CEP55: variants seen among roughly 807,000 people sequenced by gnomAD.
CEP55 encodes centrosomal protein of 55 kDa.
In CEP55, 57 loss-of-function variants were observed where a neutral mutation model predicts 63.2. The ratio of observed to expected loss-of-function variants is 0.90; its 90% CI spans 0.73 to 1.13. The LOEUF is 1.13. Ranked by LOEUF, CEP55 falls within the 50% of genes most tolerant of loss-of-function variation. The pLI is 0.00. For synonymous variants in CEP55, 178 were observed against 191.6 expected (o/e 0.93, Z 0.59); for missense variants, 456 against 518.9 (o/e 0.88, Z 1.18).
At chr10:93,507,453 C>T (rs1412317485) in intron 4 of CEP55, among the ~76,000 whole-genome samples, 1 of 151,700 alleles carries the variant, frequency 6.6e-6, no homozygotes, top group African/African-American at 2.4e-5. Flanking sequence ...AACTCCTGAC[C>T]TCAAGTGATC....
At chr10:93,497,826 C>G (rs1439779726) in intron 1 of CEP55, among the ~76,000 whole-genome samples, 1 of 151,672 alleles carries the variant, frequency 6.6e-6, no homozygotes, top group African/African-American at 2.4e-5. Flanking sequence ...ATAGGAAATA[C>G]AGGGAAAGGT....
chr10:93,501,010 G>A (rs552164116), intron 2 of CEP55, among the ~76,000 whole-genome samples: 2 of 152,222 alleles, frequency 1.3e-5, no homozygotes, highest in South Asian at 4.2e-4. Flanking sequence ...TTTACTGTGG[G>A]AGAGGAGAAA....
In CEP55 at chr10:93,529,002, C is replaced by G. The variant is rs1181345270; in HGVS notation, c.*849C>G. 2 of 152,046 alleles carry G rather than the reference C, an allele frequency of 1.3e-5. No individual in the cohort carries two copies. Among genetic ancestry groups the G allele is most frequent in the African/African-American group, 2.4e-5 (1 of 41,400 alleles). The allele number at this position is 152,046 out of a possible 1,614,324, so 9.4% of individuals were successfully genotyped here. A position where few individuals can be genotyped will look rare whatever the true frequency, so the allele number is the denominator to read the frequency against. On this transcript the variant is annotated 3_prime_UTR_variant, in exon 9 of 9. Transcript: ENST00000371485. ...TATTTTTATACATGCTTTTTGTAAA[C>G]CAAAAACTTTTAAATTTCTTCAGGT...
chr10:93,506,363 G>C (rs2057688787), intron 3 of CEP55, among the ~76,000 whole-genome samples: 1 of 152,022 alleles, frequency 6.6e-6, no homozygotes, highest in African/African-American at 2.4e-5. Context: ...TTGTCTTTTT[G>C]GTAAAAATCA....
At position 93,511,614 on chromosome 10, in the gene CEP55, T is replaced by G. The variant is rs991063234; in HGVS notation, c.529-3791T>G. 3.9e-5 allele frequency among the ~76,000 whole-genome samples: 6 copies of G among 152,028 alleles called. No homozygotes were observed. The South Asian group carries it at 1.2e-3, about 32-fold the overall frequency. On this transcript the variant is annotated intron_variant, in intron 4 of 8. Coordinates refer to ENST00000371485, the MANE Select transcript of CEP55 (RefSeq NM_018131.5). ...CCTTTTTTTTTAATTAATTAATTTA[T>G]TTTTTTGAGATGGAGTTTCGCTCCG...
chr10:93,500,019 A>G, intron 1 of CEP55, 21 bp from the exon 2 acceptor site: 1 of 1,494,600 alleles, frequency 6.7e-7, no homozygotes, highest in Non-Finnish European at 9.2e-7. Flanking sequence ...AGAATTATAC[A>G]GTTGATTTTT....
intron 1 of CEP55, 115 bp downstream of exon 1, chr10:93,497,038 ATC>A (rs1370020260): frequency 2.6e-5 from 4 of 151,218 alleles, no homozygotes; most frequent in Admixed American, 2.0e-4. Context: ...TTCCTCAAAC[ATC>A]TTTATTTTAG....
chr10:93,501,082 G>A (rs11187474), intron 2 of CEP55, among the ~76,000 whole-genome samples: 110,083 of 152,040 alleles, frequency 0.72, 40,618 homozygotes, highest in South Asian at 0.85. Context: ...TAAAAAATCA[G>A]ATCTGTCCAT....
At chr10:93,500,796 G>C (rs1352030732) in intron 2 of CEP55, among the ~76,000 whole-genome samples, 1 of 144,008 alleles carries the variant, frequency 6.9e-6, no homozygotes, top group Non-Finnish European at 1.5e-5. Flanking sequence ...TCTCAACTCT[G>C]TTGCCCAGGC....
chr10:93,516,947 A>G lies in CEP55; in HGVS notation c.692A>G (p.Glu231Gly), dbSNP rs1172671498. Residue 231 changes from glutamate (E) to glycine (G), a missense_variant, in exon 6 of 9, where the codon GAA becomes GGA. Coordinates refer to ENST00000371485, the MANE Select transcript of CEP55 (RefSeq NM_018131.5). The part of the protein sequence containing the change: ...KKPESEGYLQ[E>G]EKQKCYNDLL... Reference sequence around the variant, plus strand: ...TTGTTTGTCATAGGTTATCTTCAAGAAGAGAAGCAGAAATGTTACAACGAT... The same window carrying G: ...TTGTTTGTCATAGGTTATCTTCAAGGAGAGAAGCAGAAATGTTACAACGAT... 6.3e-7 allele frequency: 1 copy of G among 1,579,620 alleles called. No individual in the cohort carries two copies. Among genetic ancestry groups the G allele is most frequent in the Admixed American group, 1.8e-5 (1 of 55,438 alleles).
chr10:93,501,221 C>T (rs993650740), intron 2 of CEP55, among the ~76,000 whole-genome samples: 1 of 152,140 alleles, frequency 6.6e-6, no homozygotes, highest in Non-Finnish European at 1.5e-5. Context: ...TTGGCATTTA[C>T]ACTCTGTTCA....
chr10:93,523,807 A>C (rs1024047704), intron 8 of CEP55, among the ~76,000 whole-genome samples: 1 of 152,242 alleles, frequency 6.6e-6, no homozygotes, highest in Non-Finnish European at 1.5e-5. Flanking sequence ...GCTCAACTAC[A>C]TGGAAACTGA....
intron 8 of CEP55, among the ~76,000 whole-genome samples, chr10:93,524,304 T>C (rs920398429): frequency 6.6e-6 from 1 of 152,040 alleles, no homozygotes. Context: ...GAGAATACTA[T>C]AAACACCTCT....
At chr10:93,501,476 G>T (rs112008369) in intron 2 of CEP55, among the ~76,000 whole-genome samples, 144 of 152,238 alleles carry the variant, frequency 9.5e-4, no homozygotes, top group African/African-American at 3.0e-3. Context: ...ATCACCTGAG[G>T]TCAGGAGTTC....
In CEP55 at chr10:93,502,126, T is replaced by C. The variant is rs1267005375; in HGVS notation, c.184-987T>C. Reference sequence around the variant, plus strand: ...ATATTCTTCAGCTTTTCTGGCTTCTTATCATCTTGAATAGTTTTTAGTTTA... The same window carrying C: ...ATATTCTTCAGCTTTTCTGGCTTCTCATCATCTTGAATAGTTTTTAGTTTA... On this transcript the variant is annotated intron_variant, in intron 2 of 8. Transcript: ENST00000371485. Among the ~76,000 whole-genome samples, 5 of 151,304 alleles carry C rather than the reference T, an allele frequency of 3.3e-5. No individual in the cohort carries two copies. In the East Asian group the frequency reaches 9.7e-4, roughly 29 times the overall value.
chr10:93,527,858 G>A (rs2057939780), intron 8 of CEP55, 92 bp from the exon 9 acceptor site: 7 of 1,076,006 alleles, frequency 6.5e-6, no homozygotes, highest in Non-Finnish European at 9.5e-6. Context: ...TCTGGCCTGG[G>A]TGACAGAGTG....
In CEP55 at chr10:93,528,016, G is replaced by C; in HGVS notation, c.1258G>C (p.Glu420Gln). ...TTTCCAAGGAGAGACTGAAAACAGA[G>C]AAAAAGTTGCCGCCTCACCAAAAAG... ...VTFQGETENR[E>Q]KVAASPKSPT... The change falls in exon 9 of 9, where the codon GAA becomes CAA. Residue 420 changes from glutamate (E) to glutamine (Q), a missense_variant. Transcript: ENST00000371485. The C allele has an allele frequency of 6.2e-7, 1 of 1,613,998 alleles. No individual in the cohort carries two copies. Among genetic ancestry groups the C allele is most frequent in the Non-Finnish European group, 8.5e-7 (1 of 1,179,986 alleles).
chr10:93,503,327 C>G lies in CEP55; in HGVS notation c.398C>G (p.Ser133Cys). The G allele has an allele frequency of 6.2e-7, 1 of 1,614,214 alleles. No individual in the cohort carries two copies. Among genetic ancestry groups the G allele is most frequent in the Non-Finnish European group, 8.5e-7 (1 of 1,180,032 alleles). ...EEKDVLKQQL[S>C]AATSRIAELE... is the part of the protein sequence containing the mutation. ...AAAGACGTATTGAAACAACAGTTGT[C>G]TGCTGCAACCTCACGAATTGCTGAA... The change falls in exon 3 of 9, where the codon TCT (serine) becomes TGT (cysteine). Residue 133 changes from serine to cysteine, a missense_variant. By Grantham distance (112) the Ser-to-Cys change is moderately radical (BLOSUM62 -1). Transcript: ENST00000371485.
rs368041366 is a variant in CEP55 at position 93,516,915 on chromosome 10, C to T, written c.680-20C>T. ...ATTTATTTTATAAAGTGAGTTGTGC[C>T]GTAATGTTGTTTGTCATAGGTTATC... On this transcript the variant is annotated intron_variant, in intron 5 of 8. Transcript: ENST00000371485. The T allele has an allele frequency of 2.6e-4, 382 of 1,491,402 alleles. 1 individual carries two copies. Among genetic ancestry groups the T allele is most frequent in the Non-Finnish European group, 3.2e-4 (353 of 1,099,690 alleles). The allele number at this position is 1,491,402 out of a possible 1,614,324, so 92.4% of individuals were successfully genotyped here.
Sources: allele counts gnomAD v4.1 joint callset (sites outside exome capture counted in the v4.1 genomes callset), GRCh38; gene constraint gnomAD v4.1.1; transcripts MANE v1.5; gene names NCBI Gene and HGNC (gene_info 2026-07-23, HGNC 2026-07-21).